MAP3K1: variants seen among roughly 807,000 people sequenced by gnomAD.
MAP3K1 encodes MAP/ERK kinase kinase 1.
MAP3K1 carries 36 observed loss-of-function variants against 144.2 expected under a neutral mutation model. That is an observed-to-expected ratio of 0.25 (90% confidence interval 0.19 to 0.33). The LOEUF is 0.33. MAP3K1 is among the 10% of genes least tolerant of loss of function. The probability of loss-of-function intolerance (pLI) is 1.00; values close to 1 mark genes in which losing one functional copy is unlikely to be tolerated. For missense variants in MAP3K1, 1,650 were observed against 1,881.9 expected (o/e 0.88, Z 2.28); for synonymous variants, 718 against 688.7 (o/e 1.04, Z -0.67).
At chr5:56,885,087 G>T (rs1748340704) in intron 16 of MAP3K1, among the ~76,000 whole-genome samples, 1 of 152,016 alleles carries the variant, frequency 6.6e-6, no homozygotes, top group Non-Finnish European at 1.5e-5. Context: ...TTTAATACTT[G>T]ATATGTATAA....
At chr5:56,851,159 T>C (rs879927296) in intron 1 of MAP3K1, among the ~76,000 whole-genome samples, 4 of 152,176 alleles carry the variant, frequency 2.6e-5, no homozygotes, top group African/African-American at 4.8e-5. Flanking sequence ...TTGGTCAGGC[T>C]GGTCTCGAAC....
chr5:56,865,224 A>G (rs1255058280), intron 4 of MAP3K1, 116 bp from the exon 5 acceptor site: 5 of 708,010 alleles, frequency 7.1e-6, no homozygotes. Flanking sequence ...AATGAAGAAT[A>G]TGAATTAATA....
chr5:56,817,193 AAGTGTG>A, intron 1 of MAP3K1: 1 of 629,778 alleles, frequency 1.6e-6, no homozygotes, highest in Non-Finnish European at 2.0e-6. Context: ...AAATTCTTTT[AAGTGTG>A]ACAGCTACAT....
intron 2 of MAP3K1, among the ~76,000 whole-genome samples, chr5:56,858,326 C>T (rs1178562885): frequency 6.6e-6 from 1 of 152,168 alleles, no homozygotes; most frequent in Non-Finnish European, 1.5e-5. Context: ...TATACATGAA[C>T]TAAGAATATC....
At chr5:56,892,206 C>T (rs1748570191) in intron 19 of MAP3K1, among the ~76,000 whole-genome samples, 1 of 152,162 alleles carries the variant, frequency 6.6e-6, no homozygotes. Flanking sequence ...TCTTTTATTT[C>T]ATTGAGCACT....
At position 56,880,261 on chromosome 5, in the gene MAP3K1, A is replaced by G. The variant is rs906206920; in HGVS notation, c.2088-450A>G. On this transcript the variant is annotated intron_variant, in intron 11 of 19. Transcript: ENST00000399503. ...TACCTGGTCACCTGAATGACTGAACATAAGAAATACTGTAGAGAGATTTTA... is the reference window on the plus strand; with the variant it reads ...TACCTGGTCACCTGAATGACTGAACGTAAGAAATACTGTAGAGAGATTTTA... 4.6e-5 allele frequency among the ~76,000 whole-genome samples: 7 copies of G among 152,224 alleles called. 1 individual carries two copies. Among genetic ancestry groups the G allele is most frequent in the Middle Eastern group, 3.2e-3 (1 of 316 alleles).
At chr5:56,893,466 C>T (rs1748609008) in intron 19 of MAP3K1, 65 bp from the exon 20 acceptor site, 1 of 1,518,658 alleles carries the variant, frequency 6.6e-7, no homozygotes, top group South Asian at 1.1e-5. Flanking sequence ...GAGGTCTATG[C>T]ACATGTGTTT....
intron 14 of MAP3K1, 94 bp downstream of exon 14, chr5:56,882,960 C>T (rs772968213): frequency 1.4e-5 from 14 of 975,468 alleles, no homozygotes; most frequent in African/African-American, 3.3e-5. Context: ...AGGCTGAGGC[C>T]GAAGGATTGC....
Position 56,893,595 on chromosome 5 carries a change from C to T in MAP3K1, c.4454C>T (p.Ala1485Val), listed in dbSNP as rs1748614967. The change falls in exon 20 of 20, where the codon GCT (alanine) becomes GTT (valine). Residue 1485 changes from alanine to valine, a missense_variant. Ala to Val is a moderately conservative substitution (Grantham distance 64). Around this residue, in one of 6 missense-constraint regions of MAP3K1, gnomAD observed 165 missense variants for 322.9 expected, o/e 0.51. Transcript: ENST00000399503. ...TTGTCTCCTGGTTTACGAGATGTGG[C>T]TCTTCGTTGTTTAGAACTTCAACCT... ...SHLSPGLRDV[A>V]LRCLELQPQD... 3.7e-6 allele frequency: 6 copies of T among 1,613,892 alleles called. No homozygotes were observed. The highest frequency in any genetic ancestry group is 1.1e-5 in the South Asian group (1 of 91,080).
intron 1 of MAP3K1, among the ~76,000 whole-genome samples, chr5:56,816,309 C>G (rs952587769): frequency 6.6e-6 from 1 of 152,036 alleles, no homozygotes; most frequent in Non-Finnish European, 1.5e-5. Context: ...GCGTGCGAGC[C>G]TCTCTGCGGG....
intron 1 of MAP3K1, 43 bp from the exon 2 acceptor site, chr5:56,856,557 A>C (rs762330825): frequency 6.6e-7 from 1 of 1,518,058 alleles, no homozygotes; most frequent in Non-Finnish European, 9.1e-7. Flanking sequence ...ATTATTTTTC[A>C]TATATACATT....
chr5:56,850,121 C>T (rs894297961), intron 1 of MAP3K1, among the ~76,000 whole-genome samples: 1 of 152,148 alleles, frequency 6.6e-6, no homozygotes, highest in Non-Finnish European at 1.5e-5. Flanking sequence ...TTACCTGGAA[C>T]CTTACACTTT....
intron 1 of MAP3K1, among the ~76,000 whole-genome samples, chr5:56,845,645 T>C (rs764792679): frequency 7.2e-5 from 11 of 152,174 alleles, no homozygotes; most frequent in Non-Finnish European, 8.8e-5. Flanking sequence ...CTGTTTTGTT[T>C]TGTTTTTAAA....
At chr5:56,832,361 A>G (rs1011473974) in intron 1 of MAP3K1, among the ~76,000 whole-genome samples, 7 of 152,208 alleles carry the variant, frequency 4.6e-5, no homozygotes, top group African/African-American at 1.7e-4. Flanking sequence ...TCTGGGATCC[A>G]GCCTCAATCA....
At chr5:56,816,105 G>T (rs987318042) in intron 1 of MAP3K1, 50 bp downstream of exon 1, 3 of 1,194,440 alleles carry the variant, frequency 2.5e-6, no homozygotes, top group Non-Finnish European at 3.1e-6. Flanking sequence ...GCGGGCAGAG[G>T]GCAATGAATG....
intron 5 of MAP3K1, 126 bp from the exon 6 acceptor site, chr5:56,865,703 T>A (rs2111893465): frequency 1.9e-6 from 2 of 1,046,608 alleles, no homozygotes; most frequent in East Asian, 5.0e-5. Context: ...TGTTCTTATT[T>A]TTGAAGCTCT....
At chr5:56,847,587 C>A (rs949468466) in intron 1 of MAP3K1, among the ~76,000 whole-genome samples, 2 of 152,334 alleles carry the variant, frequency 1.3e-5, no homozygotes, top group African/African-American at 4.8e-5. Context: ...CAGAGTAACA[C>A]TGGATCTCAA....
chr5:56,876,644 G>C (rs1748042719), intron 10 of MAP3K1, among the ~76,000 whole-genome samples: 1 of 152,020 alleles, frequency 6.6e-6, no homozygotes, highest in South Asian at 2.1e-4. Flanking sequence ...TTCAAATTCT[G>C]GTTCTCCCTT....
chr5:56,839,579 T>C (rs772693387), intron 1 of MAP3K1, among the ~76,000 whole-genome samples: 8 of 152,166 alleles, frequency 5.3e-5, no homozygotes, highest in Non-Finnish European at 4.4e-5. Flanking sequence ...GTTGAACATT[T>C]TGGACAATTT....
Sources: allele counts gnomAD v4.1 joint callset (sites outside exome capture counted in the v4.1 genomes callset), GRCh38; gene constraint gnomAD v4.1.1; regional missense constraint gnomAD v4.1.1; transcripts MANE v1.5; gene names NCBI Gene and HGNC (gene_info 2026-07-23, HGNC 2026-07-21).